TCF20: variants seen among roughly 807,000 people sequenced by gnomAD.
TCF20 encodes the protein transcription factor 20, also known as SPRE-binding protein.
TCF20 carries 3 observed loss-of-function variants against 148.6 expected under a neutral mutation model. The ratio of observed to expected loss-of-function variants is 0.02; its 90% confidence interval spans 0.01 to 0.05. The LOEUF (loss-of-function observed/expected upper bound fraction) is 0.05, where lower values mean the gene tolerates loss of function less well. Ranked by LOEUF, TCF20 falls within the 10% of genes least tolerant of loss-of-function variation. The pLI, the probability that TCF20 is intolerant of heterozygous loss-of-function variation, is 1.00. For missense variants in TCF20, 2,350 were observed against 2,429.3 expected (o/e 0.97, Z 0.69); for synonymous variants, 1,049 against 909.5 (o/e 1.15, Z -2.76).
At position 42,270,532 on chromosome 22, in the gene TCF20, T is replaced by A. The variant is rs893269402; in HGVS notation, c.-230A>T. 2.5e-4 allele frequency among the ~76,000 whole-genome samples: 36 copies of A among 143,078 alleles called. No homozygotes were observed. Among genetic ancestry groups the A allele is most frequent in the Admixed American group, 1.7e-3 (25 of 14,548 alleles). 93.9% of individuals were successfully genotyped at this position (143,078 alleles called of 152,430 possible). On this transcript the variant is annotated 5_prime_UTR_variant, in exon 1 of 6. Coordinates refer to ENST00000677622, the MANE Select transcript of TCF20 (RefSeq NM_001378418.1). ...GGCTCGCTCCGGCCCGCGCGCTCGC[T>A]CCCCGGTCAGGCGCGCCTCAGGGCG...
At chr22:42,164,154 G>C (rs901632378) in intron 5 of TCF20, among the ~76,000 whole-genome samples, 8 of 151,794 alleles carry the variant, frequency 5.3e-5, no homozygotes, top group Non-Finnish European at 7.4e-5. Flanking sequence ...TACTGATTAA[G>C]GGCACCGATG....
At chr22:42,162,576 A>T (rs1373133254) in intron 5 of TCF20, among the ~76,000 whole-genome samples, 2 of 152,154 alleles carry the variant, frequency 1.3e-5, no homozygotes, top group African/African-American at 4.8e-5. Context: ...GTTTCCTAGG[A>T]ATCAGTCCAG....
chr22:42,254,450 G>GC (rs1476455088), intron 1 of TCF20, among the ~76,000 whole-genome samples: 1 of 152,230 alleles, frequency 6.6e-6, no homozygotes, highest in African/African-American at 2.4e-5. Context: ...AGAGTCCAGA[G>GC]CCAGGGTGCC....
chr22:42,213,429 C>T lies in TCF20; in HGVS notation c.1877G>A (p.Gly626Asp). The T allele has an allele frequency of 6.2e-7, 1 of 1,614,178 alleles. No homozygotes were observed. ...GGCTGCAGGATCATCCTCTTGGGAG[C>T]CTTTATCTTGTCCACCAGGCTTTTC... ...RVEKPGGQDK[G>D]SQEDDPAATQ... is the part of the protein sequence containing the mutation. The change falls in exon 2 of 6, where the codon GGC becomes GAC. Residue 626 changes from glycine to aspartate, a missense_variant. Gly to Asp is a moderately conservative substitution (Grantham distance 94, BLOSUM62 -1). Transcript: ENST00000677622.
In TCF20 at chr22:42,214,366, G is replaced by C; in HGVS notation, c.940C>G (p.Gln314Glu). 1 of 1,614,208 alleles carries C rather than the reference G, an allele frequency of 6.2e-7. No individual in the cohort carries two copies. Among genetic ancestry groups the C allele is most frequent in the Non-Finnish European group, 8.5e-7 (1 of 1,180,034 alleles). Residue 314 changes from glutamine to glutamate, a missense_variant, in exon 2 of 6, where the codon CAG becomes GAG. Physicochemically the swap from Gln to Glu is conservative, Grantham distance 29. Coordinates refer to ENST00000677622, the MANE Select transcript of TCF20 (RefSeq NM_001378418.1). ...KIPQGTQQGQ[Q>E]QQQPQQQQHP... The stretch of plus-strand genomic sequence containing the variant: ...TGTTGTTGCTGCGGTTGCTGCTGCT[G>C]CTGCCCCTGTTGGGTCCCTTGTGGA...
chr22:42,290,013 C>T lies in TCF20; in HGVS notation c.-37+53466G>A, dbSNP rs376520035. ...ATTCTCCTCGGCGTGTGCAGGCGGC[C>T]GGGGCGATGTTCCAGGAATATTAAT... On this transcript the variant is annotated intron_variant, in intron 1 of 1. Transcript: ENST00000515426. The surrounding 1 kb of genome is among the most constrained non-coding windows in gnomAD (Gnocchi z 4.2). 4.1e-3 allele frequency among the ~76,000 whole-genome samples: 630 copies of T among 152,350 alleles called. 4 individuals carry two copies. The highest frequency in any genetic ancestry group is 0.015 in the African/African-American group (604 of 41,586).
At chr22:42,194,402 C>T (rs1434204138) in intron 2 of TCF20, among the ~76,000 whole-genome samples, 3 of 152,148 alleles carry the variant, frequency 2.0e-5, no homozygotes, top group East Asian at 1.9e-4. Context: ...TGCCAGGAGG[C>T]GAAACTAAAA....
intron 2 of TCF20, among the ~76,000 whole-genome samples, chr22:42,188,973 C>G (rs759438712): frequency 3.3e-5 from 5 of 152,136 alleles, no homozygotes; most frequent in Non-Finnish European, 4.4e-5. Flanking sequence ...GGGAGTGTAG[C>G]TTGACCTGAG....
intron 1 of TCF20, among the ~76,000 whole-genome samples, chr22:42,264,085 G>A (rs1312385731): frequency 6.6e-6 from 1 of 152,080 alleles, no homozygotes; most frequent in African/African-American, 2.4e-5. Context: ...GAAAGACTGA[G>A]AGGATGAGCC....
chr22:42,255,532 C>A (rs762875355), intron 1 of TCF20, among the ~76,000 whole-genome samples: 26 of 148,000 alleles, frequency 1.8e-4, no homozygotes, highest in Non-Finnish European at 3.2e-4. Context: ...AACAACAAAA[C>A]CACATTATTT....
intron 2 of TCF20, among the ~76,000 whole-genome samples, chr22:42,202,140 C>G (rs1002914230): frequency 6.6e-6 from 1 of 152,184 alleles, no homozygotes; most frequent in Non-Finnish European, 1.5e-5. Context: ...ACACCCCTGG[C>G]AAGATGAGCT....
chr22:42,222,473 T>A (rs73431681), intron 1 of TCF20, among the ~76,000 whole-genome samples: 7,859 of 150,662 alleles, frequency 0.052, 652 homozygotes, highest in African/African-American at 0.18. Flanking sequence ...TTAACTGCCA[T>A]TTTGACACCA....
At chr22:42,264,730 G>A (rs1926194653) in intron 1 of TCF20, among the ~76,000 whole-genome samples, 1 of 152,130 alleles carries the variant, frequency 6.6e-6, no homozygotes, top group African/African-American at 2.4e-5. Flanking sequence ...TTTCTTCACC[G>A]CTATTATCAT....
intron 1 of TCF20, among the ~76,000 whole-genome samples, chr22:42,263,798 T>C (rs2146985068): frequency 6.6e-6 from 1 of 152,274 alleles, no homozygotes; most frequent in Non-Finnish European, 1.5e-5. Flanking sequence ...AGCGAGTACA[T>C]TAACACCCAG....
intron 2 of TCF20, among the ~76,000 whole-genome samples, chr22:42,196,906 GTCTA>G (rs902235027): frequency 3.5e-4 from 53 of 152,270 alleles, no homozygotes; most frequent in African/African-American, 1.3e-3. Flanking sequence ...CCCTGGTATT[GTCTA>G]TCTGCCTGTG....
upstream of TCF20, among the ~76,000 whole-genome samples, chr22:42,270,653 CAG>C (rs886547901): frequency 2.8e-5 from 4 of 143,582 alleles, no homozygotes; most frequent in Non-Finnish European, 4.6e-5. Context: ...CAGGAAATAA[CAG>C]AGCGTCAGGT....
chr22:42,262,549 C>A (rs1052470632), intron 1 of TCF20, among the ~76,000 whole-genome samples: 1 of 151,982 alleles, frequency 6.6e-6, no homozygotes, highest in Non-Finnish European at 1.5e-5. Context: ...GAGTTGAAGG[C>A]GCTAGAAGAC....
intron 3 of TCF20, among the ~76,000 whole-genome samples, chr22:42,171,874 C>T (rs994032288): frequency 6.6e-6 from 1 of 152,216 alleles, no homozygotes; most frequent in Non-Finnish European, 1.5e-5. Flanking sequence ...GGACAGGGAC[C>T]ACACGAGCAG....
At chr22:42,333,181 C>T (rs139871429) in intron 1 of TCF20, among the ~76,000 whole-genome samples, 91 of 152,346 alleles carry the variant, frequency 6.0e-4, no homozygotes, top group Admixed American at 1.3e-3. Context: ...GAGGACGGTG[C>T]ACCCAGTCTG....
Sources: allele counts gnomAD v4.1 joint callset (sites outside exome capture counted in the v4.1 genomes callset), GRCh38; gene constraint gnomAD v4.1.1; non-coding constraint Gnocchi (gnomAD v3.1); transcripts MANE v1.5; gene names NCBI Gene and HGNC (gene_info 2026-07-23, HGNC 2026-07-21).